B3GALT1: variants seen among roughly 807,000 people sequenced by gnomAD.
B3GALT1 encodes UDP-Gal:betaGlcNAc beta 1,3-galactosyltransferase, polypeptide 1.
Under a neutral mutation model 23.2 loss-of-function variants are expected in B3GALT1, and 10 were observed. The ratio of observed to expected loss-of-function variants is 0.43; its 90% CI spans 0.27 to 0.73. The LOEUF is 0.73. B3GALT1 is among the 30% of genes least tolerant of loss of function. The pLI, the probability that B3GALT1 is intolerant of heterozygous loss-of-function variation, is 0.21. For missense variants in B3GALT1, 299 were observed against 405.4 expected (o/e 0.74, Z 2.25); for synonymous variants, 156 against 141.5 (o/e 1.10, Z -0.73).
intron 1 of B3GALT1, among the ~76,000 whole-genome samples, chr2:167,438,631 G>T (rs1698827305): frequency 6.6e-6 from 1 of 152,166 alleles, no homozygotes; most frequent in African/African-American, 2.4e-5. Context: ...GCAGCCAGCT[G>T]GAAAATGCAT....
chr2:167,445,783 A>G (rs1698975508), intron 1 of B3GALT1, among the ~76,000 whole-genome samples: 1 of 152,094 alleles, frequency 6.6e-6, no homozygotes, highest in African/African-American at 2.4e-5. Context: ...GGTTTCCTGA[A>G]TACAGCACAC....
chr2:167,733,717 C>T (rs140131106), intron 3 of B3GALT1, among the ~76,000 whole-genome samples: 37 of 152,248 alleles, frequency 2.4e-4, no homozygotes, highest in East Asian at 1.9e-3. Context: ...ATGAGATCTC[C>T]GTAACAGTGT....
intron 1 of B3GALT1, among the ~76,000 whole-genome samples, chr2:167,461,504 GT>G (rs1411232604): frequency 1.1e-4 from 17 of 152,162 alleles, no homozygotes; most frequent in Admixed American, 1.1e-3. Context: ...GAGAACTACT[GT>G]TTTTGACTAA....
intron 2 of B3GALT1, among the ~76,000 whole-genome samples, chr2:167,588,336 C>G (rs1684614860): frequency 6.6e-6 from 1 of 152,064 alleles, no homozygotes; most frequent in South Asian, 2.1e-4. Context: ...CTAATTAAAG[C>G]AAAAGGAAAA....
At chr2:167,702,436 G>C (rs1686895571) in intron 3 of B3GALT1, among the ~76,000 whole-genome samples, 1 of 152,232 alleles carries the variant, frequency 6.6e-6, no homozygotes, top group African/African-American at 2.4e-5. Context: ...TTGAAGGGCA[G>C]AGGATGGTAT....
intron 2 of B3GALT1, among the ~76,000 whole-genome samples, chr2:167,540,195 G>A (rs1399098492): frequency 6.6e-6 from 1 of 151,994 alleles, no homozygotes; most frequent in Admixed American, 6.6e-5. Flanking sequence ...CTAGTCCAGG[G>A]GTTACCAAGA....
At chr2:167,300,876 TA>T (rs986461122) in intron 1 of B3GALT1, among the ~76,000 whole-genome samples, 1 of 152,160 alleles carries the variant, frequency 6.6e-6, no homozygotes, top group Non-Finnish European at 1.5e-5. Context: ...AACTTTAAGT[TA>T]AAAATACCAC....
chr2:167,694,971 C>G (rs1199072636), intron 3 of B3GALT1, among the ~76,000 whole-genome samples: 1 of 152,156 alleles, frequency 6.6e-6, no homozygotes, highest in Non-Finnish European at 1.5e-5. Flanking sequence ...TTACCCAACA[C>G]CTCCTGCAGT....
At chr2:167,543,557 G>C (rs1264811407) in intron 2 of B3GALT1, among the ~76,000 whole-genome samples, 1 of 152,134 alleles carries the variant, frequency 6.6e-6, no homozygotes, top group East Asian at 1.9e-4. Flanking sequence ...TTATTGTTTT[G>C]AGGCTCTGGT....
chr2:167,861,053 G>C (rs1390219912), intron 4 of B3GALT1, among the ~76,000 whole-genome samples: 1 of 152,180 alleles, frequency 6.6e-6, no homozygotes, highest in East Asian at 1.9e-4. Flanking sequence ...GCGGAGCAAA[G>C]TACAGACAGT....
intron 4 of B3GALT1, among the ~76,000 whole-genome samples, chr2:167,847,854 A>G (rs1161837494): frequency 6.6e-6 from 1 of 152,216 alleles, no homozygotes; most frequent in African/African-American, 2.4e-5. Flanking sequence ...AAGATTAACC[A>G]AGAAAAGAAG....
In B3GALT1 at chr2:167,380,528, C is replaced by T. The variant is rs1471235842; in HGVS notation, c.-511+87194C>T. Among the ~76,000 whole-genome samples the T allele has an allele frequency of 2.0e-5, 3 of 152,286 alleles. No individual in the cohort carries two copies. The East Asian group carries it at 5.8e-4, about 29-fold the overall frequency. On this transcript the variant is annotated intron_variant, in intron 1 of 4. Transcript: ENST00000392690. ...TCCACTCCAGAGAAGGCATCCCAAT[C>T]TCTGGCCCCAAACTAAAATGCCTAC... is the stretch of plus-strand genomic sequence containing the variant.
chr2:167,807,151 A>G (rs1688773123), intron 3 of B3GALT1, among the ~76,000 whole-genome samples: 2 of 152,206 alleles, frequency 1.3e-5, no homozygotes, highest in Non-Finnish European at 1.5e-5. Flanking sequence ...CTGTGGGATC[A>G]GTGGTGATAT....
intron 1 of B3GALT1, among the ~76,000 whole-genome samples, chr2:167,300,128 T>A (rs1696422262): frequency 6.6e-6 from 1 of 152,072 alleles, no homozygotes; most frequent in Non-Finnish European, 1.5e-5. Context: ...TCATCTTGAA[T>A]TCCTGACCTC....
intron 1 of B3GALT1, among the ~76,000 whole-genome samples, chr2:167,359,589 C>T (rs1312810847): frequency 6.6e-6 from 1 of 152,132 alleles, no homozygotes; most frequent in African/African-American, 2.4e-5. Flanking sequence ...AGCTAAGCTG[C>T]CCTATGTCAA....
At chr2:167,320,482 A>G (rs1382770357) in intron 1 of B3GALT1, among the ~76,000 whole-genome samples, 2 of 151,880 alleles carry the variant, frequency 1.3e-5, no homozygotes, top group African/African-American at 2.4e-5. Context: ...GAGACACTGC[A>G]CTGCCCTGAA....
chr2:167,467,683 G>A (rs1245386203), intron 1 of B3GALT1, among the ~76,000 whole-genome samples: 1 of 152,088 alleles, frequency 6.6e-6, no homozygotes, highest in Non-Finnish European at 1.5e-5. Context: ...TATTTTGTTT[G>A]TCAAAAATAC....
chr2:167,302,378 A>C (rs1696464938), intron 1 of B3GALT1, among the ~76,000 whole-genome samples: 1 of 152,120 alleles, frequency 6.6e-6, no homozygotes, highest in Non-Finnish European at 1.5e-5. Context: ...GTGAAATGAT[A>C]ATGGCTTTGG....
chr2:167,699,192 T>C (rs1686834746), intron 3 of B3GALT1, among the ~76,000 whole-genome samples: 1 of 152,090 alleles, frequency 6.6e-6, no homozygotes, highest in Admixed American at 6.6e-5. Context: ...GTATCAGTAA[T>C]AAGTGGTTTT....
Sources: allele counts gnomAD v4.1 joint callset (sites outside exome capture counted in the v4.1 genomes callset), GRCh38; gene constraint gnomAD v4.1.1; transcripts MANE v1.5; gene names NCBI Gene and HGNC (gene_info 2026-07-23, HGNC 2026-07-21).